PRR5L: variants seen among roughly 807,000 people sequenced by gnomAD.
PRR5L encodes the protein proline rich 5 like.
Under a neutral mutation model 36.4 loss-of-function variants are expected in PRR5L, and 21 were observed. The observed-to-expected ratio is 0.58, with a 90% confidence interval of 0.41 to 0.83. PRR5L has a LOEUF of 0.83. Ranked by LOEUF, PRR5L falls within the 40% of genes least tolerant of loss-of-function variation. The probability of loss-of-function intolerance (pLI) is 0.00; values close to 1 mark genes in which losing one functional copy is unlikely to be tolerated. For missense variants in PRR5L, 381 were observed against 473.3 expected (o/e 0.80, Z 1.81); for synonymous variants, 188 against 197.0 (o/e 0.95, Z 0.38).
At chr11:36,448,495 T>C (rs1012386911) in intron 7 of PRR5L, among the ~76,000 whole-genome samples, 1 of 152,194 alleles carries the variant, frequency 6.6e-6, no homozygotes, top group Non-Finnish European at 1.5e-5. Flanking sequence ...CTTTGTCTTC[T>C]GGGGTCCTCA....
At chr11:36,452,493 C>T (rs920149992) in intron 8 of PRR5L, among the ~76,000 whole-genome samples, 1 of 152,252 alleles carries the variant, frequency 6.6e-6, no homozygotes, top group African/African-American at 2.4e-5. Flanking sequence ...GTGCTGGCCC[C>T]AGCCTGCTGC....
chr11:36,437,503 G>T, intron 6 of PRR5L, 27 bp downstream of exon 6: 1 of 1,369,050 alleles, frequency 7.3e-7, no homozygotes, highest in Non-Finnish European at 1.0e-6. Flanking sequence ...AACACTTCCT[G>T]CCATCCTCAG....
At chr11:36,381,198 G>A (rs190961479) in intron 1 of PRR5L, among the ~76,000 whole-genome samples, 7 of 152,060 alleles carry the variant, frequency 4.6e-5, no homozygotes, top group East Asian at 1.9e-4. Flanking sequence ...CCACTTTACC[G>A]TTCTCTCCTT....
intron 1 of PRR5L, among the ~76,000 whole-genome samples, chr11:36,351,000 A>G (rs1183485637): frequency 9.6e-6 from 1 of 103,900 alleles, no homozygotes; most frequent in East Asian, 2.5e-4. Context: ...ATATATTTAT[A>G]TATATTTATA....
intron 3 of PRR5L, among the ~76,000 whole-genome samples, chr11:36,415,588 A>G (rs1244479534): frequency 6.6e-6 from 1 of 152,220 alleles, no homozygotes; most frequent in Non-Finnish European, 1.5e-5. Context: ...TACCAAAAAT[A>G]GAAAAATTAG....
Position 36,357,699 on chromosome 11 carries a change from T to A in PRR5L, c.-125-43298T>A, listed in dbSNP as rs115624618. 3.1e-3 allele frequency among the ~76,000 whole-genome samples: 466 copies of A among 152,172 alleles called. 2 individuals carry two copies. The highest frequency in any genetic ancestry group is 0.011 in the African/African-American group (456 of 41,520). ...AACATTTTAAGCCCACTGTTGAGACTACTATTCAGAAAAAAAAAAGATGCC... is the reference window on the plus strand; with the variant it reads ...AACATTTTAAGCCCACTGTTGAGACAACTATTCAGAAAAAAAAAAGATGCC... On this transcript the variant is annotated intron_variant, in intron 1 of 8. Coordinates refer to ENST00000530639, the MANE Select transcript of PRR5L (RefSeq NM_001160167.2).
intron 1 of PRR5L, among the ~76,000 whole-genome samples, chr11:36,324,185 T>G (rs1047308361): frequency 6.6e-6 from 1 of 152,130 alleles, no homozygotes; most frequent in Non-Finnish European, 1.5e-5. Flanking sequence ...ATGACATAAT[T>G]AGATAATTAA....
intron 1 of PRR5L, among the ~76,000 whole-genome samples, chr11:36,348,126 C>T (rs1177368761): frequency 6.6e-5 from 10 of 152,146 alleles, no homozygotes; most frequent in African/African-American, 2.2e-4. Context: ...GTTACTCTAA[C>T]AGCTGCGGGA....
At chr11:36,338,744 T>C (rs1856791459) in intron 1 of PRR5L, among the ~76,000 whole-genome samples, 1 of 152,182 alleles carries the variant, frequency 6.6e-6, no homozygotes, top group Non-Finnish European at 1.5e-5. Context: ...CTGGTTTTTT[T>C]GAGACAAAGT....
At chr11:36,431,415 G>A (rs534750251) in intron 4 of PRR5L, among the ~76,000 whole-genome samples, 2 of 152,058 alleles carry the variant, frequency 1.3e-5, no homozygotes, top group East Asian at 1.9e-4. Context: ...GATTTTGCAC[G>A]CAGTCTCTTT....
At chr11:36,428,258 G>T (rs1858423888) in intron 4 of PRR5L, among the ~76,000 whole-genome samples, 1 of 152,168 alleles carries the variant, frequency 6.6e-6, no homozygotes, top group African/African-American at 2.4e-5. Flanking sequence ...TGGGTGAGCT[G>T]GGGCTTTAGA....
intron 3 of PRR5L, among the ~76,000 whole-genome samples, chr11:36,414,072 C>T (rs890798922): frequency 6.7e-6 from 1 of 149,864 alleles, no homozygotes; most frequent in Non-Finnish European, 1.5e-5. Context: ...CATAGTATTC[C>T]ATGGTGTATA....
At chr11:36,379,670 G>A (rs1048065439) in intron 1 of PRR5L, among the ~76,000 whole-genome samples, 1 of 152,202 alleles carries the variant, frequency 6.6e-6, no homozygotes, top group Non-Finnish European at 1.5e-5. Flanking sequence ...ACCCTGATAA[G>A]CAGAAAGCAC....
rs930377126 is a variant in PRR5L at position 36,347,835 on chromosome 11, A to AG, written c.-126+51402dup. 3.1e-4 allele frequency among the ~76,000 whole-genome samples: 47 copies of AG among 151,952 alleles called. 2 individuals carry two copies. The Middle Eastern group carries it at 0.02, about 66-fold the overall frequency. On this transcript the variant is annotated intron_variant, in intron 1 of 8. Coordinates refer to ENST00000530639, the MANE Select transcript of PRR5L (RefSeq NM_001160167.2). ...CTCTGCAAGATTCAGGAGCTTGGGG[A>AG]GGGGGAAAAAAGTTCCTATGGTGGT...
chr11:36,459,268 T>C (rs887293784), intron 8 of PRR5L, among the ~76,000 whole-genome samples: 8 of 152,176 alleles, frequency 5.3e-5, no homozygotes, highest in South Asian at 2.1e-4. Context: ...GGGACTTCTC[T>C]GGGACCAAGG....
intron 1 of PRR5L, among the ~76,000 whole-genome samples, chr11:36,355,936 C>T (rs1857023084): frequency 6.6e-6 from 1 of 151,212 alleles, no homozygotes; most frequent in South Asian, 2.1e-4. Context: ...CTTTTTGAGA[C>T]AGGGTCTCAC....
chr11:36,451,360 T>C, intron 8 of PRR5L, 25 bp downstream of exon 8: 1 of 1,613,256 alleles, frequency 6.2e-7, no homozygotes, highest in Non-Finnish European at 8.5e-7. Context: ...TCTCAAGTTG[T>C]CAAGAGGCCC....
intron 1 of PRR5L, among the ~76,000 whole-genome samples, chr11:36,312,737 A>G (rs1856515829): frequency 6.6e-6 from 1 of 152,284 alleles, no homozygotes; most frequent in Non-Finnish European, 1.5e-5. Context: ...AGTATAACAT[A>G]CAGCGTGCAC....
intron 1 of PRR5L, among the ~76,000 whole-genome samples, chr11:36,335,957 G>A (rs1856764782): frequency 6.6e-6 from 1 of 152,174 alleles, no homozygotes; most frequent in Non-Finnish European, 1.5e-5. Flanking sequence ...GCAGAACATA[G>A]TCAAAGGAGT....
Sources: gnomAD v4.1 joint callset for allele counts (sites outside exome capture counted in the v4.1 genomes callset) on GRCh38, gnomAD v4.1.1 for gene constraint, MANE v1.5 for transcripts, NCBI Gene and HGNC (gene_info 2026-07-23, HGNC 2026-07-21) for gene names.